The following UGT2A1 variants were observed in gnomAD, a reference collection of about 807,000 sequenced individuals.
UGT2A1 encodes UDP glucuronosyltransferase family 2 member A1 complex locus, also known as UDP-glucuronosyltransferase 2A1.
A neutral mutation model predicts 45.4 loss-of-function variants in UGT2A1; 61 were observed. That is an observed-to-expected ratio of 1.34 (90% CI 1.09 to 1.66). The LOEUF is 1.66. UGT2A1 is among the 40% of genes most tolerant of loss of function. The probability of loss-of-function intolerance (pLI) is 0.00; values close to 1 mark genes in which losing one functional copy is unlikely to be tolerated. For missense variants in UGT2A1, 649 were observed against 574.3 expected (o/e 1.13, Z -1.33); for synonymous variants, 229 against 196.2 (o/e 1.17, Z -1.40).
rs775748447 is a variant in UGT2A1 at position 69,647,532 on chromosome 4, A to G, written c.113T>C (p.Ile38Thr). The G allele has an allele frequency of 6.2e-7, 1 of 1,612,734 alleles. No individual in the cohort carries two copies. The highest frequency in any genetic ancestry group is 1.3e-5 in the African/African-American group (1 of 74,856). The change falls in exon 2 of 7, where the codon ATA becomes ACA. Residue 38 changes from isoleucine to threonine, a missense_variant. Ile to Thr is a moderately conservative substitution (Grantham distance 89). Coordinates refer to ENST00000286604, the MANE Select transcript of UGT2A1 (RefSeq NM_001252275.3). Reference sequence around the variant, plus strand: ...CTTTTTAATGAGCTCATCTATAATTATCTTAACATTTAGCCAATGACTACC... The same window carrying G: ...CTTTTTAATGAGCTCATCTATAATTGTCTTAACATTTAGCCAATGACTACC... ...MEGSHWLNVK[I>T]IIDELIKKEH...
intron 1 of UGT2A1, 172 bp from the exon 2 acceptor site, chr4:69,647,870 T>C: frequency 2.9e-6 from 1 of 350,190 alleles, no homozygotes; most frequent in Non-Finnish European, 5.1e-6. Flanking sequence ...GTTGTTTTAA[T>C]TTTAGTGTTT....
chr4:69,628,423 G>A (rs959565066), intron 3 of UGT2A1, among the ~76,000 whole-genome samples: 16 of 151,706 alleles, frequency 1.1e-4, no homozygotes, highest in African/African-American at 3.9e-4. Flanking sequence ...GGAACAAAAT[G>A]GAGAGTCTAG....
At chr4:69,630,837 C>T (rs182373630) in intron 3 of UGT2A1, among the ~76,000 whole-genome samples, 49 of 152,194 alleles carry the variant, frequency 3.2e-4, no homozygotes, top group African/African-American at 1.1e-3. Context: ...CACCCACATA[C>T]ACACAACACA....
intron 6 of UGT2A1, among the ~76,000 whole-genome samples, chr4:69,592,180 C>T (rs1718631955): frequency 1.3e-5 from 2 of 152,048 alleles, no homozygotes; most frequent in South Asian, 4.1e-4. Flanking sequence ...GCACTAAATT[C>T]CATCCGAGTT....
intron 3 of UGT2A1, among the ~76,000 whole-genome samples, chr4:69,616,134 C>T (rs920306932): frequency 3.3e-5 from 5 of 151,708 alleles, no homozygotes; most frequent in Non-Finnish European, 5.9e-5. Flanking sequence ...ACAAATATGC[C>T]GTGTTTTCAC....
intron 3 of UGT2A1, among the ~76,000 whole-genome samples, chr4:69,614,666 T>A (rs1044812209): frequency 6.6e-6 from 1 of 152,106 alleles, no homozygotes; most frequent in African/African-American, 2.4e-5. Flanking sequence ...AATAAATCTG[T>A]ACATCTACAG....
intron 2 of UGT2A1, among the ~76,000 whole-genome samples, chr4:69,644,978 CTT>C (rs939026526): frequency 1.1e-4 from 17 of 151,786 alleles, no homozygotes; most frequent in African/African-American, 4.1e-4. Flanking sequence ...AGAAATCTCA[CTT>C]TTTCTTTTGC....
At chr4:69,634,170 G>A (rs1012084988) in intron 3 of UGT2A1, among the ~76,000 whole-genome samples, 16 of 151,950 alleles carry the variant, frequency 1.1e-4, no homozygotes, top group Non-Finnish European at 1.8e-4. Context: ...GCGTGAACCC[G>A]GGAGGCGGAG....
chr4:69,610,170 G>A lies in UGT2A1; in HGVS notation c.848-10776C>T, dbSNP rs138199674. On this transcript the variant is annotated intron_variant, in intron 3 of 6. Coordinates refer to ENST00000286604, the MANE Select transcript of UGT2A1 (RefSeq NM_001252275.3). ...TGGAAAATACATGCATATTTTAAAA[G>A]ATATATAAAATATTTTTAAATGTGC... is the stretch of plus-strand genomic sequence containing the variant. 5.1e-3 allele frequency among the ~76,000 whole-genome samples: 780 copies of A among 152,046 alleles called. 9 individuals carry two copies. The highest frequency in any genetic ancestry group is 0.017 in the African/African-American group (713 of 41,522).
At chr4:69,595,803 A>G (rs1718888085) in intron 4 of UGT2A1, among the ~76,000 whole-genome samples, 1 of 152,214 alleles carries the variant, frequency 6.6e-6, no homozygotes, top group Non-Finnish European at 1.5e-5. Context: ...CTACTTCTAA[A>G]CCAACTACAC....
intron 1 of UGT2A1, among the ~76,000 whole-genome samples, chr4:69,649,355 G>A (rs1391549434): frequency 6.6e-6 from 1 of 151,982 alleles, no homozygotes; most frequent in African/African-American, 2.4e-5. Flanking sequence ...TGCCTTTCTG[G>A]TGTCAGTCTG....
At chr4:69,637,770 G>C (rs1408444300) in intron 2 of UGT2A1, among the ~76,000 whole-genome samples, 2 of 152,050 alleles carry the variant, frequency 1.3e-5, no homozygotes, top group Non-Finnish European at 2.9e-5. Context: ...AATTTGATCT[G>C]TTTTGCTTAT....
At chr4:69,614,041 C>A (rs2109922802) in intron 3 of UGT2A1, among the ~76,000 whole-genome samples, 1 of 151,984 alleles carries the variant, frequency 6.6e-6, no homozygotes, top group Middle Eastern at 3.4e-3. Flanking sequence ...GTCAATTATT[C>A]TTATTTACAA....
chr4:69,640,757 A>T (rs1722009569), intron 2 of UGT2A1, among the ~76,000 whole-genome samples: 1 of 151,860 alleles, frequency 6.6e-6, no homozygotes, highest in Non-Finnish European at 1.5e-5. Flanking sequence ...CAAGAGAGAG[A>T]AGTGATGGTT....
At chr4:69,597,504 A>G (rs1275908782) in intron 4 of UGT2A1, among the ~76,000 whole-genome samples, 2 of 152,178 alleles carry the variant, frequency 1.3e-5, no homozygotes, top group African/African-American at 4.8e-5. Context: ...TGTATCCTGC[A>G]TTCCCTGTGC....
chr4:69,598,007 G>T (rs1481557198), intron 4 of UGT2A1, among the ~76,000 whole-genome samples: 2 of 152,092 alleles, frequency 1.3e-5, no homozygotes, highest in Non-Finnish European at 2.9e-5. Context: ...GTGTGTTTGT[G>T]TAAAAAGTGG....
At chr4:69,606,573 T>G (rs138637308) in intron 3 of UGT2A1, among the ~76,000 whole-genome samples, 24,597 of 135,090 alleles carry the variant, frequency 0.18, 5,873 homozygotes, top group Non-Finnish European at 0.22. Flanking sequence ...TTCTGGCCAG[T>G]GCAATCAGGC....
At chr4:69,619,741 G>A (rs970168026) in intron 3 of UGT2A1, among the ~76,000 whole-genome samples, 1 of 151,954 alleles carries the variant, frequency 6.6e-6, no homozygotes, top group Non-Finnish European at 1.5e-5. Flanking sequence ...GAATATTGAT[G>A]CAAAAATCCT....
intron 3 of UGT2A1, among the ~76,000 whole-genome samples, chr4:69,630,105 TTATATTAAAA>T (rs1474722976): frequency 3.3e-5 from 5 of 152,068 alleles, no homozygotes; most frequent in Non-Finnish European, 7.4e-5. Flanking sequence ...TATTAAAAGA[TTATATTAAAA>T]TATATAACTA....
Sources: allele counts gnomAD v4.1 joint callset (sites outside exome capture counted in the v4.1 genomes callset), GRCh38; gene constraint gnomAD v4.1.1; transcripts MANE v1.5; gene names NCBI Gene and HGNC (gene_info 2026-07-23, HGNC 2026-07-21).